The following RGPD2 variants were observed in gnomAD, a reference collection of about 807,000 sequenced individuals.
RGPD2 encodes the protein RANBP2-like and GRIP domain-containing protein 2.
RGPD2 carries 2 observed loss-of-function variants against 36.0 expected under a neutral mutation model. The observed-to-expected ratio is 0.06, with a 90% CI of 0.02 to 0.17. The LOEUF is 0.17. RGPD2 is among the 10% of genes least tolerant of loss of function. RGPD2 has a pLI of 1.00. For synonymous variants in RGPD2, 19 were observed against 163.8 expected (o/e 0.12, Z 6.75); for missense variants, 40 against 464.3 (o/e 0.09, Z 8.40).
intron 6 of RGPD2, among the ~76,000 whole-genome samples, chr2:87,809,175 G>A (rs1686052206): frequency 6.6e-6 from 1 of 151,396 alleles, no homozygotes. Context: ...TGTGGTGGCG[G>A]GCACCTGTAG....
chr2:87,960,290 C>T, the RGPD2 span, among the ~76,000 whole-genome samples: 14 of 122,850 alleles, frequency 1.1e-4, no homozygotes, highest in African/African-American at 3.9e-4. Context: ...TCATTTCTTC[C>T]CTCTCTTTCT....
chr2:87,897,696 G>C, the RGPD2 span, among the ~76,000 whole-genome samples: 4 of 150,790 alleles, frequency 2.7e-5, no homozygotes, highest in Admixed American at 1.3e-4. Flanking sequence ...TCATTGCTCA[G>C]CTCTCACTTA....
chr2:87,952,529 A>G, the RGPD2 span, among the ~76,000 whole-genome samples: 14 of 152,236 alleles, frequency 9.2e-5, no homozygotes, highest in African/African-American at 3.4e-4. Flanking sequence ...TGTAATTTGT[A>G]AATGATTTTC....
chr2:87,844,442 C>T, the RGPD2 span, among the ~76,000 whole-genome samples: 3 of 150,920 alleles, frequency 2.0e-5, no homozygotes, highest in Non-Finnish European at 4.4e-5. Context: ...GTCAAGGACT[C>T]GGTACATCTA....
the RGPD2 span, among the ~76,000 whole-genome samples, chr2:87,842,871 C>T: frequency 6.8e-6 from 1 of 146,390 alleles, no homozygotes; most frequent in Non-Finnish European, 1.5e-5. Context: ...AGATATAGAT[C>T]AATGGAACAG....
intron 22 of RGPD2, among the ~76,000 whole-genome samples, chr2:87,769,600 C>A (rs1245241876): frequency 1.3e-5 from 2 of 151,584 alleles, no homozygotes; most frequent in African/African-American, 4.8e-5. Flanking sequence ...ACGTTAGCAA[C>A]GTCTACATTA....
chr2:87,963,905 G>A, the RGPD2 span, among the ~76,000 whole-genome samples: 8 of 133,968 alleles, frequency 6.0e-5, no homozygotes, highest in South Asian at 4.8e-4. Flanking sequence ...GCGCAATCTC[G>A]GCTCATTGCA....
the RGPD2 span, among the ~76,000 whole-genome samples, chr2:87,941,474 GA>G: frequency 8.3e-5 from 12 of 144,472 alleles, no homozygotes; most frequent in African/African-American, 2.8e-4. Flanking sequence ...TTAATATATA[GA>G]ATTGGTAAAT....
the RGPD2 span, among the ~76,000 whole-genome samples, chr2:87,865,447 A>G: frequency 6.6e-6 from 1 of 152,286 alleles, no homozygotes; most frequent in Non-Finnish European, 1.5e-5. Context: ...ATCCCAGGGT[A>G]CATACTTTCA....
At chr2:87,972,593 G>T in the RGPD2 span, 2 of 951,608 alleles carry the variant, frequency 2.1e-6, no homozygotes, top group Non-Finnish European at 3.1e-6. Context: ...CAGCAGAGGT[G>T]GCAGGGGCGG....
chr2:87,758,153 G>C (rs1004935061), intron 22 of RGPD2, among the ~76,000 whole-genome samples: 3 of 151,504 alleles, frequency 2.0e-5, no homozygotes, highest in Admixed American at 6.6e-5. Flanking sequence ...TTTGGAATCA[G>C]ACAGATCAAC....
chr2:87,877,790 G>A, the RGPD2 span, among the ~76,000 whole-genome samples: 1 of 113,318 alleles, frequency 8.8e-6, no homozygotes, highest in African/African-American at 3.5e-5. Flanking sequence ...GGGCAACAGA[G>A]TGAGACTCCG....
the RGPD2 span, among the ~76,000 whole-genome samples, chr2:87,971,932 C>G: frequency 6.6e-6 from 1 of 151,542 alleles, no homozygotes; most frequent in African/African-American, 2.4e-5. Flanking sequence ...CAGCAGCAGT[C>G]AAATACCACC....
the RGPD2 span, among the ~76,000 whole-genome samples, chr2:87,839,871 G>C: frequency 6.8e-6 from 1 of 147,022 alleles, no homozygotes; most frequent in Non-Finnish European, 1.5e-5. Context: ...AACCTTCACA[G>C]GTACTCCCAA....
the RGPD2 span, among the ~76,000 whole-genome samples, chr2:87,847,695 C>T: frequency 2.0e-5 from 3 of 150,412 alleles, no homozygotes. Context: ...GACAGGATTT[C>T]ACCCTGTTGG....
the RGPD2 span, among the ~76,000 whole-genome samples, chr2:87,883,614 T>C: frequency 6.6e-6 from 1 of 151,802 alleles, no homozygotes; most frequent in South Asian, 2.1e-4. Flanking sequence ...AGTGAATTGA[T>C]GGAGAAACAC....
At chr2:87,930,825 T>C in the RGPD2 span, among the ~76,000 whole-genome samples, 5 of 124,930 alleles carry the variant, frequency 4.0e-5, no homozygotes, top group Non-Finnish European at 7.0e-5. Flanking sequence ...TTTATCCATT[T>C]CTTCCAGTTT....
At chr2:87,881,014 T>G in the RGPD2 span, among the ~76,000 whole-genome samples, 1 of 150,764 alleles carries the variant, frequency 6.6e-6, no homozygotes, top group East Asian at 2.0e-4. Context: ...AACAGGGCCG[T>G]AATTAAATCT....
the RGPD2 span, among the ~76,000 whole-genome samples, chr2:87,907,575 T>C: frequency 2.3e-5 from 1 of 43,646 alleles, no homozygotes; most frequent in Non-Finnish European, 4.6e-5. Flanking sequence ...TTAAGGTGAA[T>C]CGTTTACCAT....
Sources: allele counts gnomAD v4.1 joint callset (sites outside exome capture counted in the v4.1 genomes callset), GRCh38; gene constraint gnomAD v4.1.1; transcripts MANE v1.5; gene names NCBI Gene and HGNC (gene_info 2026-07-23, HGNC 2026-07-21).